ABCG8: variants seen among roughly 807,000 people sequenced by gnomAD.
The protein encoded by ABCG8 is ATP-binding cassette sub-family G member 8.
A neutral mutation model predicts 71.3 loss-of-function variants in ABCG8; 81 were observed. That is an observed-to-expected ratio of 1.14 (90% confidence interval 0.95 to 1.37). ABCG8 has a LOEUF of 1.37. Ranked by LOEUF, ABCG8 falls within the 40% of genes most tolerant of loss-of-function variation. The pLI is 0.00. For missense variants in ABCG8, 1,119 were observed against 866.2 expected (o/e 1.29, Z -3.66); for synonymous variants, 451 against 354.7 (o/e 1.27, Z -3.05).
chr2:43,840,161 A>G (rs867069503), intron 1 of ABCG8, among the ~76,000 whole-genome samples: 1 of 152,156 alleles, frequency 6.6e-6, no homozygotes, highest in Non-Finnish European at 1.5e-5. Flanking sequence ...AAAGACAAGC[A>G]TGATCGAGGA....
chr2:43,848,316 G>C (rs1002127054), intron 3 of ABCG8: 1 of 152,144 alleles, frequency 6.6e-6, no homozygotes, highest in African/African-American at 2.4e-5. Flanking sequence ...ATAGCTGATT[G>C]GTTACAGTTG....
intron 6 of ABCG8, among the ~76,000 whole-genome samples, chr2:43,870,076 C>G (rs1669708863): frequency 1.3e-5 from 2 of 148,956 alleles, no homozygotes; most frequent in African/African-American, 5.0e-5. Context: ...TATTTGTCTG[C>G]ATAGACTTCT....
chr2:43,844,734 C>A (rs551198822), intron 2 of ABCG8, 126 bp downstream of exon 2: 307 of 714,248 alleles, frequency 4.3e-4, no homozygotes, highest in Non-Finnish European at 7.0e-4. Flanking sequence ...GTCCAGTCCA[C>A]ATTGATGCCT....
In ABCG8 at chr2:43,852,773, C is replaced by A; in HGVS notation, c.869C>A (p.Thr290Asn). Reference protein sequence around the residue: ...FDLVLLMTSGTPIYLGAAQHM... With the variant: ...FDLVLLMTSGNPIYLGAAQHM... ...CTGGTCCTCCTGATGACGTCTGGCA[C>A]CCCCATCTACTTAGGGGCGGCCCAG... is the stretch of plus-strand genomic sequence containing the variant. The change falls in exon 6 of 13, where the codon ACC (threonine) becomes AAC (asparagine). Residue 290 changes from threonine to asparagine, a missense_variant. Transcript: ENST00000272286. The A allele has an allele frequency of 6.2e-7, 1 of 1,614,120 alleles. No individual in the cohort carries two copies. The highest frequency in any genetic ancestry group is 8.5e-7 in the Non-Finnish European group (1 of 1,180,010).
chr2:43,863,895 T>G (rs867323971), intron 6 of ABCG8, among the ~76,000 whole-genome samples: 4 of 151,612 alleles, frequency 2.6e-5, no homozygotes, highest in Non-Finnish European at 4.4e-5. Context: ...GAACTCTATT[T>G]GTCTAGGTAG....
At chr2:43,865,340 C>A (rs1669489124) in intron 6 of ABCG8, among the ~76,000 whole-genome samples, 1 of 148,146 alleles carries the variant, frequency 6.8e-6, no homozygotes, top group Admixed American at 6.7e-5. Context: ...GGATAGAATT[C>A]TCACCCTCTG....
intron 6 of ABCG8, among the ~76,000 whole-genome samples, chr2:43,856,081 G>C (rs1669095109): frequency 6.6e-6 from 1 of 150,484 alleles, no homozygotes; most frequent in Non-Finnish European, 1.5e-5. Flanking sequence ...TCACCCTCTG[G>C]ATACAGTTCT....
intron 3 of ABCG8, among the ~76,000 whole-genome samples, chr2:43,849,027 A>G (rs1210311000): frequency 7.3e-6 from 1 of 137,248 alleles, no homozygotes; most frequent in Non-Finnish European, 1.7e-5. Context: ...TGTCTAAAAA[A>G]AAAAAAAAAA....
chr2:43,864,686 CACTA>C, intron 6 of ABCG8, among the ~76,000 whole-genome samples: 1 of 151,910 alleles, frequency 6.6e-6, no homozygotes, highest in South Asian at 2.1e-4. Flanking sequence ...ATAGAACTCT[CACTA>C]TCTATCTGGA....
chr2:43,863,621 A>G (rs116388539), intron 6 of ABCG8, among the ~76,000 whole-genome samples: 7,744 of 148,288 alleles, frequency 0.052, 229 homozygotes, highest in Middle Eastern at 0.12. Context: ...TGTCAGGATA[A>G]AATTCTCACC....
intron 3 of ABCG8, among the ~76,000 whole-genome samples, chr2:43,850,069 G>A (rs1323041164): frequency 2.6e-5 from 4 of 151,970 alleles, no homozygotes; most frequent in Admixed American, 1.3e-4. Context: ...GTGTGGTGGC[G>A]GGTGTGGTGG....
chr2:43,852,321 T>C, intron 4 of ABCG8, 33 bp from the exon 5 acceptor site: 1 of 1,611,808 alleles, frequency 6.2e-7, no homozygotes, highest in African/African-American at 1.3e-5. Context: ...AGGAGGCCCC[T>C]GAGGTGGCCT....
intron 6 of ABCG8, among the ~76,000 whole-genome samples, chr2:43,857,338 A>G (rs1210569421): frequency 6.6e-6 from 1 of 151,768 alleles, no homozygotes; most frequent in East Asian, 1.9e-4. Context: ...CTCTCTGGAT[A>G]GAACTCTCTC....
intron 10 of ABCG8, among the ~76,000 whole-genome samples, chr2:43,874,847 A>G (rs1669905703): frequency 6.6e-6 from 1 of 152,188 alleles, no homozygotes; most frequent in Non-Finnish European, 1.5e-5. Flanking sequence ...CTCCAAGGCC[A>G]CACAGCTACT....
chr2:43,872,139 G>T lies in ABCG8; in HGVS notation c.1127+1G>T, dbSNP rs1558851178. 1 of 1,614,114 alleles carries T rather than the reference G, an allele frequency of 6.2e-7. No individual in the cohort carries two copies. The highest frequency in any genetic ancestry group is 1.1e-5 in the South Asian group (1 of 91,086). On this transcript the variant is annotated splice_donor_variant, in intron 7 of 12. Transcript: ENST00000272286. LOFTEE classifies it high-confidence loss of function. ...TTGACGAGGACACCTGTGTGGAAAG[G>T]TAAGGTGGCAGGCGACTCTGAGAGG...
chr2:43,852,665 C>G lies in ABCG8; in HGVS notation c.761C>G (p.Thr254Ser). ...TTCACAGCCCACAACCTGGTGAAGA[C>G]CTTGTCCAGGCTGGCCAAAGGCAAC... ...DSFTAHNLVK[T>S]LSRLAKGNRL... is the part of the protein sequence containing the mutation. Residue 254 changes from threonine to serine, a missense_variant, in exon 6 of 13, where the codon ACC becomes AGC. Thr to Ser is a moderately conservative substitution (Grantham distance 58). Transcript: ENST00000272286. 7.4e-6 allele frequency: 12 copies of G among 1,614,176 alleles called. No homozygotes were observed. Among genetic ancestry groups the G allele is most frequent in the Non-Finnish European group, 9.3e-6 (11 of 1,180,032 alleles).
chr2:43,867,997 C>A (rs932738389), intron 6 of ABCG8, among the ~76,000 whole-genome samples: 1 of 151,950 alleles, frequency 6.6e-6, no homozygotes, highest in Non-Finnish European at 1.5e-5. Context: ...AATGCTCACT[C>A]TCTGGATAGA....
chr2:43,847,252 C>T (rs1428652156), intron 3 of ABCG8: 2 of 152,146 alleles, frequency 1.3e-5, no homozygotes, highest in Non-Finnish European at 2.9e-5. Flanking sequence ...ACATTCTGCT[C>T]CAAACTTTTA....
rs371711306 is a variant in ABCG8 at position 43,877,649 on chromosome 2, G to C, written c.1845G>C (p.Met615Ile). ...AGTTCAGCAGAAGAACTTATAAAAT[G>C]CCTCTCGGGAACCTCACCATCGCGG... The part of the protein sequence containing the change: ...KIQFSRRTYK[M>I]PLGNLTIAVS... Residue 615 changes from methionine to isoleucine, a missense_variant, in exon 12 of 13, where the codon ATG becomes ATC. Coordinates refer to ENST00000272286, the MANE Select transcript of ABCG8 (RefSeq NM_022437.3). The C allele has an allele frequency of 2.1e-5, 34 of 1,614,120 alleles. No individual in the cohort carries two copies. In the African/African-American group the frequency reaches 3.7e-4, roughly 18 times the overall value.
Sources: gnomAD v4.1 joint callset for allele counts (sites outside exome capture counted in the v4.1 genomes callset) on GRCh38, gnomAD v4.1.1 for gene constraint, MANE v1.5 for transcripts, NCBI Gene and HGNC (gene_info 2026-07-23, HGNC 2026-07-21) for gene names.